ARHGAP15: variants seen among roughly 807,000 people sequenced by gnomAD.
ARHGAP15 encodes Rho GTPase activating protein 15.
In ARHGAP15, 51 loss-of-function variants were observed where a neutral mutation model predicts 63.7. The observed-to-expected ratio is 0.80, with a 90% CI of 0.64 to 1.01. ARHGAP15 has a LOEUF of 1.01. Ranked by LOEUF, ARHGAP15 falls within the 50% of genes least tolerant of loss-of-function variation. ARHGAP15 has a pLI of 0.00. For synonymous variants in ARHGAP15, 191 were observed against 193.8 expected, an observed-to-expected ratio of 0.99 and a Z score of 0.12; for missense variants, 560 against 564.6, an observed-to-expected ratio of 0.99 and a Z score of 0.08.
At chr2:143,460,067 A>G (rs1001683362) in intron 8 of ARHGAP15, among the ~76,000 whole-genome samples, 4 of 152,148 alleles carry the variant, frequency 2.6e-5, no homozygotes, top group African/African-American at 9.6e-5. Flanking sequence ...TAGCAACAGC[A>G]ACTCTAAGTA....
chr2:143,695,447 G>A (rs1270765695), intron 12 of ARHGAP15, among the ~76,000 whole-genome samples: 1 of 152,134 alleles, frequency 6.6e-6, no homozygotes, highest in African/African-American at 2.4e-5. Flanking sequence ...CTCCAATTCA[G>A]ACAAATAGAG....
intron 6 of ARHGAP15, among the ~76,000 whole-genome samples, chr2:143,291,794 A>G (rs1682413046): frequency 1.3e-5 from 2 of 152,190 alleles, no homozygotes; most frequent in East Asian, 3.9e-4. Flanking sequence ...CCATTTTATC[A>G]TTGCCCACCT....
chr2:143,533,114 A>G (rs184610904), intron 10 of ARHGAP15: 1 of 152,324 alleles, frequency 6.6e-6, no homozygotes, highest in East Asian at 1.9e-4. Flanking sequence ...TTTATACTCA[A>G]ATTCCTGAAT....
intron 13 of ARHGAP15, among the ~76,000 whole-genome samples, chr2:143,763,101 A>G (rs1353019616): frequency 6.6e-6 from 1 of 152,124 alleles, no homozygotes; most frequent in East Asian, 1.9e-4. Context: ...ACCTTCAGAA[A>G]TAATCTCTAG....
intron 9 of ARHGAP15, among the ~76,000 whole-genome samples, chr2:143,517,810 A>G (rs996761185): frequency 6.6e-6 from 1 of 152,192 alleles, no homozygotes; most frequent in Admixed American, 6.5e-5. Context: ...ACCTAAGGCA[A>G]TGGAGTTCCA....
intron 6 of ARHGAP15, among the ~76,000 whole-genome samples, chr2:143,405,028 TTC>T (rs1310184568): frequency 6.6e-6 from 1 of 151,930 alleles, no homozygotes; most frequent in East Asian, 1.9e-4. Flanking sequence ...GGTTAGATTT[TTC>T]TCTCTTTGCA....
chr2:143,712,087 G>A (rs549111532), intron 13 of ARHGAP15, among the ~76,000 whole-genome samples: 1 of 152,276 alleles, frequency 6.6e-6, no homozygotes, highest in South Asian at 2.1e-4. Flanking sequence ...AGGGAAAACA[G>A]TAGAATGCTG....
chr2:143,421,900 G>T (rs566791582), intron 6 of ARHGAP15, among the ~76,000 whole-genome samples: 6 of 151,642 alleles, frequency 4.0e-5, no homozygotes, highest in East Asian at 1.9e-4. Context: ...AAAGAGAAAG[G>T]GGGGGAGAGA....
chr2:143,742,418 C>A (rs1685995714), intron 13 of ARHGAP15, among the ~76,000 whole-genome samples: 1 of 152,172 alleles, frequency 6.6e-6, no homozygotes, highest in South Asian at 2.1e-4. Context: ...CTAATAATAT[C>A]AAGTTAAATT....
intron 12 of ARHGAP15, among the ~76,000 whole-genome samples, chr2:143,669,297 T>C (rs1682394355): frequency 6.6e-6 from 1 of 152,186 alleles, no homozygotes; most frequent in African/African-American, 2.4e-5. Flanking sequence ...CCAGCTTCCT[T>C]ACCCACTGTA....
At chr2:143,368,397 G>A (rs1686392210) in intron 6 of ARHGAP15, among the ~76,000 whole-genome samples, 1 of 152,022 alleles carries the variant, frequency 6.6e-6, no homozygotes, top group South Asian at 2.1e-4. Flanking sequence ...TAATTGAAAG[G>A]GAGACTTAAC....
At chr2:143,627,186 T>C (rs1005490367) in intron 12 of ARHGAP15, among the ~76,000 whole-genome samples, 2 of 152,196 alleles carry the variant, frequency 1.3e-5, no homozygotes, top group Non-Finnish European at 2.9e-5. Context: ...TGGCATTTTT[T>C]ATAGTAGGCC....
chr2:143,493,530 A>T (rs1692678649), intron 9 of ARHGAP15, among the ~76,000 whole-genome samples: 1 of 152,168 alleles, frequency 6.6e-6, no homozygotes, highest in Non-Finnish European at 1.5e-5. Context: ...TTTCCTGCAC[A>T]GTGTTCTTCC....
chr2:143,385,981 C>T (rs1687271307), intron 6 of ARHGAP15, among the ~76,000 whole-genome samples: 1 of 152,146 alleles, frequency 6.6e-6, no homozygotes, highest in Admixed American at 6.6e-5. Context: ...TAAATAAATA[C>T]TTCCTCTCTG....
chr2:143,323,894 CAAAAAAAAAAAAAAA>C (rs55804357), intron 6 of ARHGAP15, among the ~76,000 whole-genome samples: 9 of 26,176 alleles, frequency 3.4e-4, no homozygotes, highest in African/African-American at 1.7e-3. Flanking sequence ...GACTCCGTCT[CAAAAAAAAAAAAAAA>C]AAAAAAAAAA....
intron 12 of ARHGAP15, among the ~76,000 whole-genome samples, chr2:143,628,646 T>C (rs1044575724): frequency 6.6e-6 from 1 of 152,144 alleles, no homozygotes; most frequent in Non-Finnish European, 1.5e-5. Flanking sequence ...GACTCTCCTT[T>C]CTTTGCTTTT....
chr2:143,596,045 C>G (rs1342292848), intron 11 of ARHGAP15, among the ~76,000 whole-genome samples: 1 of 152,080 alleles, frequency 6.6e-6, no homozygotes, highest in Non-Finnish European at 1.5e-5. Flanking sequence ...AACTTTTCCC[C>G]AAACCACCCT....
At chr2:143,153,833 CTT>C (rs1558779456) in intron 1 of ARHGAP15, among the ~76,000 whole-genome samples, 1,628 of 90,546 alleles carry the variant, frequency 0.018, 78 homozygotes, top group African/African-American at 0.027. Flanking sequence ...TCTTCTTCTT[CTT>C]CTTCTTCTTC....
chr2:143,155,139 A>G (rs1413794798), intron 1 of ARHGAP15, among the ~76,000 whole-genome samples: 2 of 151,908 alleles, frequency 1.3e-5, no homozygotes, highest in African/African-American at 4.8e-5. Context: ...AAAAGCATAT[A>G]TCCTCAAGAC....
Sources: gnomAD v4.1 joint callset for allele counts (sites outside exome capture counted in the v4.1 genomes callset) on GRCh38, gnomAD v4.1.1 for gene constraint, MANE v1.5 for transcripts, NCBI Gene and HGNC (gene_info 2026-07-23, HGNC 2026-07-21) for gene names.